PLXNA1: variants seen among roughly 807,000 people sequenced by gnomAD.
The protein encoded by PLXNA1 is plexin A1, also known as plexin-A1.
In PLXNA1, 77 loss-of-function variants were observed where a neutral mutation model predicts 191.7. The ratio of observed to expected loss-of-function variants is 0.40; its 90% confidence interval spans 0.33 to 0.49. The LOEUF (loss-of-function observed/expected upper bound fraction) is 0.49, where lower values mean the gene tolerates loss of function less well. Among genes scored for constraint, PLXNA1 ranks in the 20% least tolerant of loss-of-function variants. The pLI, the probability that PLXNA1 is intolerant of heterozygous loss-of-function variation, is 0.63. For missense variants in PLXNA1, 2,110 were observed against 2,660.2 expected, an observed-to-expected ratio of 0.79 and a Z score of 4.55; for synonymous variants, 1,137 against 1,156.4, an observed-to-expected ratio of 0.98 and a Z score of 0.34.
Position 127,004,965 on chromosome 3 carries a change from C to T in PLXNA1, c.1700C>T (p.Thr567Ile), listed in dbSNP as rs1439606216. The T allele has an allele frequency of 6.2e-6, 10 of 1,610,364 alleles. No individual in the cohort carries two copies. The highest frequency in any genetic ancestry group is 8.5e-6 in the Non-Finnish European group (10 of 1,178,062). Reference sequence around the variant, plus strand: ...GACCTGCTGCAGTGTGTGCAGCTGACTGTGCAGCCCCGCAATGTGTCTGTC... The same window carrying T: ...GACCTGCTGCAGTGTGTGCAGCTGATTGTGCAGCCCCGCAATGTGTCTGTC... The part of the protein sequence containing the change: ...AADLLQCVQL[T>I]VQPRNVSVTM... Residue 567 changes from threonine (T) to isoleucine (I), a missense_variant, in exon 6 of 32, where the codon ACT (threonine) becomes ATT (isoleucine). This residue lies in a region of PLXNA1 where 903 missense variants were observed against 1,015.7 expected (regional missense o/e 0.89). Transcript: ENST00000393409.
intron 10 of PLXNA1, among the ~76,000 whole-genome samples, chr3:127,012,966 C>T (rs555970618): frequency 6.6e-6 from 1 of 152,300 alleles, no homozygotes; most frequent in South Asian, 2.1e-4. Flanking sequence ...ACTGGGCTGT[C>T]GACAAGGCCT....
Position 126,988,820 on chromosome 3 carries a change from G to T in PLXNA1, c.227G>T (p.Gly76Val), listed in dbSNP as rs552129981. The change falls in exon 2 of 32, where the codon GGG becomes GTG. Residue 76 changes from glycine (G) to valine (V), a missense_variant. Transcript: ENST00000393409. ...GTGAACCGCATCTATAAGCTGTCGG[G>T]GAACCTGACACTGCTGCGGGCCCAC... Reference protein sequence around the residue: ...GAVNRIYKLSGNLTLLRAHVT... With the variant: ...GAVNRIYKLSVNLTLLRAHVT... 1.9e-6 allele frequency: 3 copies of T among 1,613,374 alleles called. No homozygotes were observed. The highest frequency in any genetic ancestry group is 4.5e-5 in the East Asian group (2 of 44,882).
chr3:127,025,688 A>G (rs2079173574), intron 23 of PLXNA1, among the ~76,000 whole-genome samples: 1 of 152,212 alleles, frequency 6.6e-6, no homozygotes, highest in Non-Finnish European at 1.5e-5. Flanking sequence ...TATGAGTGGA[A>G]TCATGCATTG....
chr3:127,002,656 T>G (rs1269996459), intron 3 of PLXNA1, among the ~76,000 whole-genome samples: 1 of 152,204 alleles, frequency 6.6e-6, no homozygotes, highest in African/African-American at 2.4e-5. Context: ...AAGAGTCCCA[T>G]CTCTGGAAAG....
intron 23 of PLXNA1, among the ~76,000 whole-genome samples, chr3:127,023,426 C>A (rs1201341954): frequency 2.0e-5 from 3 of 152,234 alleles, no homozygotes; most frequent in Non-Finnish European, 4.4e-5. Flanking sequence ...TCTTGGAAAT[C>A]TGAAGGCCTG....
intron 1 of PLXNA1, among the ~76,000 whole-genome samples, chr3:126,986,951 G>A (rs2078962212): frequency 6.6e-6 from 1 of 152,202 alleles, no homozygotes; most frequent in East Asian, 1.9e-4. Flanking sequence ...GGGATGGTCT[G>A]TGCAAACTGG....
At chr3:126,983,885 G>C (rs1284916380) in intron 1 of PLXNA1, among the ~76,000 whole-genome samples, 1 of 152,176 alleles carries the variant, frequency 6.6e-6, no homozygotes, top group African/African-American at 2.4e-5. Flanking sequence ...GCCGGCCCTG[G>C]GGCGCGGGGT....
At chr3:127,018,165 A>C in intron 19 of PLXNA1, 129 bp from the exon 20 acceptor site, 5 of 942,048 alleles carry the variant, frequency 5.3e-6, no homozygotes, top group Non-Finnish European at 7.8e-6. Context: ...CCTGGTGACC[A>C]CTCTGTGCCC....
intron 4 of PLXNA1, among the ~76,000 whole-genome samples, chr3:127,003,946 G>A (rs993347057): frequency 6.6e-6 from 1 of 152,230 alleles, no homozygotes; most frequent in Non-Finnish European, 1.5e-5. Flanking sequence ...TAAGGCCATG[G>A]AGTTGAGTCC....
chr3:127,020,963 C>T (rs2079149467), intron 21 of PLXNA1, among the ~76,000 whole-genome samples: 1 of 152,240 alleles, frequency 6.6e-6, no homozygotes, highest in African/African-American at 2.4e-5. Context: ...CTGGCTCCCA[C>T]ACCCCTAAAA....
rs2079218462 is a variant in PLXNA1, at chr3:127,032,768, C to T, written c.5527C>T (p.Leu1843=). The T allele has an allele frequency of 1.2e-6, 2 of 1,613,476 alleles. No individual in the cohort carries two copies. The highest frequency in any genetic ancestry group is 2.2e-5 in the South Asian group (2 of 91,084). The change falls in exon 31 of 32, where the codon CTG becomes TTG. Residue 1843 remains leucine, a synonymous_variant. Transcript: ENST00000393409. The stretch of plus-strand genomic sequence containing the variant: ...TCTGGCTGAGCAGTCCCGCCTGCAC[C>T]TGAGCCAGTTCAACAGCATGAGCGC... ...AYLAEQSRLH[L]SQFNSMSALH...
At chr3:127,011,064 G>A (rs2079093210) in intron 9 of PLXNA1, among the ~76,000 whole-genome samples, 1 of 152,230 alleles carries the variant, frequency 6.6e-6, no homozygotes, top group South Asian at 2.1e-4. Flanking sequence ...AGCATGCAGA[G>A]TCACTGGGCG....
Position 126,989,025 on chromosome 3 carries a change from C to A in PLXNA1, c.432C>A (p.Asp144Glu). ...GCATCTGCCAGTTCCTGCGTCTGGA[C>A]GATCTCTTCAAACTGGGTGAGCCAC... ...SQGICQFLRLDDLFKLGEPHH... is the reference protein window; with the variant it reads ...SQGICQFLRLEDLFKLGEPHH... Residue 144 changes from aspartate to glutamate, a missense_variant, in exon 2 of 32, where the codon GAC (aspartate) becomes GAA (glutamate). Around this residue, in one of 4 missense-constraint regions of PLXNA1, gnomAD observed 903 missense variants for 1,015.7 expected, o/e 0.89. Coordinates refer to ENST00000393409, the MANE Select transcript of PLXNA1 (RefSeq NM_032242.4). 1.2e-6 allele frequency: 2 copies of A among 1,613,290 alleles called. No individual in the cohort carries two copies. Among genetic ancestry groups the A allele is most frequent in the Non-Finnish European group, 1.7e-6 (2 of 1,180,026 alleles).
chr3:126,991,090 G>T (rs1206032762), intron 2 of PLXNA1, among the ~76,000 whole-genome samples: 2 of 152,162 alleles, frequency 1.3e-5, no homozygotes, highest in African/African-American at 4.8e-5. Context: ...TGCCTGCCCT[G>T]CCCTCTCCTT....
chr3:126,995,366 T>C (rs1036914148), intron 3 of PLXNA1, among the ~76,000 whole-genome samples: 3 of 152,170 alleles, frequency 2.0e-5, no homozygotes, highest in Admixed American at 6.5e-5. Context: ...GCCCCTGTTT[T>C]GGGTCCTGTA....
At chr3:127,023,691 C>T (rs930926437) in intron 23 of PLXNA1, among the ~76,000 whole-genome samples, 2 of 152,234 alleles carry the variant, frequency 1.3e-5, no homozygotes, top group African/African-American at 4.8e-5. Flanking sequence ...TGCTGCTGAG[C>T]TCAGGTGATC....
At chr3:127,021,728 G>A (rs1250871043) in intron 21 of PLXNA1, among the ~76,000 whole-genome samples, 2 of 152,168 alleles carry the variant, frequency 1.3e-5, no homozygotes, top group African/African-American at 2.4e-5. Context: ...GCCCAGTCAC[G>A]GAGAGGGTGG....
chr3:127,008,081 G>C (rs1233124980), intron 9 of PLXNA1, among the ~76,000 whole-genome samples, 168 bp downstream of exon 9: 1 of 152,210 alleles, frequency 6.6e-6, no homozygotes, highest in African/African-American at 2.4e-5. Context: ...AGGTGACCCT[G>C]GATGCCAGCT....
intron 1 of PLXNA1, among the ~76,000 whole-genome samples, chr3:126,985,597 T>C (rs2078954682): frequency 6.7e-6 from 1 of 149,844 alleles, no homozygotes; most frequent in African/African-American, 2.5e-5. Context: ...GCTCTGCTCC[T>C]CGGTAGAGTG....
Sources: allele counts gnomAD v4.1 joint callset (sites outside exome capture counted in the v4.1 genomes callset), GRCh38; gene constraint gnomAD v4.1.1; regional missense constraint gnomAD v4.1.1; transcripts MANE v1.5; gene names NCBI Gene and HGNC (gene_info 2026-07-23, HGNC 2026-07-21).